The following RAB5C variants were observed in gnomAD, a reference collection of about 807,000 sequenced individuals.
RAB5C encodes RAB5C, member RAS oncogene family, also known as ras-related protein Rab-5C.
Under a neutral mutation model 25.2 loss-of-function variants are expected in RAB5C, and 4 were observed. That is an observed-to-expected ratio of 0.16 (90% confidence interval 0.08 to 0.36). The LOEUF (loss-of-function observed/expected upper bound fraction) is 0.36, where lower values mean the gene tolerates loss of function less well. RAB5C is among the 10% of genes least tolerant of loss of function. The pLI, the probability that RAB5C is intolerant of heterozygous loss-of-function variation, is 1.00. For synonymous variants in RAB5C, 100 were observed against 106.4 expected, an observed-to-expected ratio of 0.94 and a Z score of 0.37; for missense variants, 199 against 283.8, an observed-to-expected ratio of 0.70 and a Z score of 2.15.
chr17:42,128,531 GCCCACCCCCCACCCA>G, intron 3 of RAB5C, 103 bp downstream of exon 3: 1 of 1,188,320 alleles, frequency 8.4e-7, no homozygotes, highest in Non-Finnish European at 1.1e-6. Flanking sequence ...CAGGAAATCT[GCCCACCCCCCACCCA>G]GGAACAGAGG....
At chr17:42,128,885 C>T in intron 2 of RAB5C, 85 bp from the exon 3 acceptor site, 1 of 1,225,048 alleles carries the variant, frequency 8.2e-7, no homozygotes, top group Admixed American at 3.3e-5. Context: ...GGCTCTGGCA[C>T]TCAGAAGCCC....
intron 1 of RAB5C, among the ~76,000 whole-genome samples, chr17:42,141,146 T>G (rs1371418791): frequency 6.6e-6 from 1 of 152,216 alleles, no homozygotes; most frequent in Non-Finnish European, 1.5e-5. Flanking sequence ...TAATTTTTGC[T>G]GAACAAACTG....
At chr17:42,148,869 C>T (rs1442250791) in intron 1 of RAB5C, among the ~76,000 whole-genome samples, 1 of 152,200 alleles carries the variant, frequency 6.6e-6, no homozygotes. Flanking sequence ...GCCATTACTA[C>T]ATAGTCCCCC....
At chr17:42,129,664 C>T (rs923311661) in intron 2 of RAB5C, among the ~76,000 whole-genome samples, 1 of 152,230 alleles carries the variant, frequency 6.6e-6, no homozygotes, top group Non-Finnish European at 1.5e-5. Context: ...GACCCAAATG[C>T]TGAGGAGGCA....
At chr17:42,134,558 A>C (rs2054517582) in intron 1 of RAB5C, among the ~76,000 whole-genome samples, 1 of 152,210 alleles carries the variant, frequency 6.6e-6, no homozygotes, top group Non-Finnish European at 1.5e-5. Context: ...GCTTGGGGCA[A>C]AAGAGTAAGA....
intron 1 of RAB5C, among the ~76,000 whole-genome samples, chr17:42,150,470 G>A (rs1205224860): frequency 2.0e-5 from 3 of 146,800 alleles, no homozygotes; most frequent in Non-Finnish European, 3.0e-5. Context: ...CTTGAGCCCG[G>A]GAGACAGAGG....
chr17:42,130,720 C>T (rs2054476849), intron 1 of RAB5C, 130 bp from the exon 2 acceptor site: 9 of 1,155,248 alleles, frequency 7.8e-6, no homozygotes, highest in Non-Finnish European at 1.1e-5. Context: ...ACCTCACCTC[C>T]CTGCCCTCCC....
intron 1 of RAB5C, among the ~76,000 whole-genome samples, chr17:42,140,020 T>C (rs2054576516): frequency 6.6e-6 from 1 of 152,146 alleles, no homozygotes; most frequent in South Asian, 2.1e-4. Context: ...ATCTCATCAA[T>C]GTAGGGCCCG....
At chr17:42,143,364 T>C (rs1033037786) in intron 1 of RAB5C, among the ~76,000 whole-genome samples, 7 of 151,796 alleles carry the variant, frequency 4.6e-5, no homozygotes, top group South Asian at 2.1e-4. Flanking sequence ...GGGCCGGGAG[T>C]GGTGGCTCAT....
chr17:42,132,701 T>G (rs1228368389), intron 1 of RAB5C, among the ~76,000 whole-genome samples: 1 of 151,114 alleles, frequency 6.6e-6, no homozygotes, highest in African/African-American at 2.4e-5. Flanking sequence ...TCTTTCTTTC[T>G]TTCTTTTTTT....
chr17:42,133,097 G>A (rs567237304), intron 1 of RAB5C, among the ~76,000 whole-genome samples: 96 of 152,322 alleles, frequency 6.3e-4, no homozygotes, highest in Middle Eastern at 3.4e-3. Flanking sequence ...CAGTAATCTT[G>A]CAGTTTCTGA....
chr17:42,132,419 C>T (rs115627587), intron 1 of RAB5C, among the ~76,000 whole-genome samples: 1,697 of 152,260 alleles, frequency 0.011, 25 homozygotes, highest in African/African-American at 0.039. Context: ...TAGTTTAAGA[C>T]GCTTTCTCAT....
At position 42,125,449 on chromosome 17, in the gene RAB5C, C is replaced by T. The variant is rs2054408801; in HGVS notation, c.*334G>A. 1 of 260,518 alleles carries T rather than the reference C, an allele frequency of 3.8e-6. No homozygotes were observed. Among genetic ancestry groups the T allele is most frequent in the African/African-American group, 2.2e-5 (1 of 44,576 alleles). 16.1% of individuals were successfully genotyped at this position (260,518 alleles called of 1,614,324 possible). A position where few individuals can be genotyped will look rare whatever the true frequency, so the allele number is the denominator to read the frequency against. On this transcript the variant is annotated 3_prime_UTR_variant, in exon 6 of 6. Transcript: ENST00000346213. ...GGGTAGCTGCACTGACCCCACTGTCCCCATATACAAGGGTTGGGGGGCAAG... is the reference window on the plus strand; with the variant it reads ...GGGTAGCTGCACTGACCCCACTGTCTCCATATACAAGGGTTGGGGGGCAAG...
chr17:42,147,038 CAGAAAGAAAGACAGAAAA>C (rs2079639993), intron 1 of RAB5C, among the ~76,000 whole-genome samples: 2 of 122,778 alleles, frequency 1.6e-5, no homozygotes, highest in Non-Finnish European at 3.5e-5. Flanking sequence ...GACAGAAAGA[CAGAAAGAAAGACAGAAAA>C]AGAAAGAAAG....
Position 42,125,158 on chromosome 17 carries a change from T to C in RAB5C, c.*625A>G, listed in dbSNP as rs1436146327. ...TCAGAACAGGGCTCAGAGCCAGAGG[T>C]TGGGGTGACCGAGGGTGGAGGGGTT... On this transcript the variant is annotated 3_prime_UTR_variant, in exon 6 of 6. Coordinates refer to ENST00000346213, the MANE Select transcript of RAB5C (RefSeq NM_004583.4). 1 of 113,980 alleles carries C rather than the reference T, an allele frequency of 8.8e-6. No individual in the cohort carries two copies. Among genetic ancestry groups the C allele is most frequent in the Non-Finnish European group, 1.7e-5 (1 of 57,400 alleles). The allele number at this position is 113,980 out of a possible 1,614,324, so 7.1% of individuals were successfully genotyped here.
intron 1 of RAB5C, among the ~76,000 whole-genome samples, chr17:42,136,918 G>C (rs1393614185): frequency 6.6e-6 from 1 of 152,274 alleles, no homozygotes; most frequent in Non-Finnish European, 1.5e-5. Flanking sequence ...CATAACCCCT[G>C]TTACTAAAAA....
rs1771948150 is a variant in RAB5C, at chr17:42,143,285, A to G, written c.-89+11608T>C. The stretch of plus-strand genomic sequence containing the variant: ...ACATACCTGAGAGAAAACATTTGCT[A>G]AAAAGGCAGTGGCCTTGGAGAGCCA... On this transcript the variant is annotated intron_variant, in intron 1 of 5. Coordinates refer to ENST00000346213, the MANE Select transcript of RAB5C (RefSeq NM_004583.4). Among the ~76,000 whole-genome samples the G allele has an allele frequency of 4.6e-5, 7 of 152,208 alleles. 2 individuals carry two copies. The South Asian group carries it at 1.4e-3, about 32-fold the overall frequency.
Position 42,132,315 on chromosome 17 carries a change from A to C in RAB5C, c.-88-1725T>G, listed in dbSNP as rs1243473358. On this transcript the variant is annotated intron_variant, in intron 1 of 5. Coordinates refer to ENST00000346213, the MANE Select transcript of RAB5C (RefSeq NM_004583.4). ...TGAAATGGGGCCCACCTCTTCCCCA[A>C]AAGTACAAGGAAGGAAGTACGGGGT... Among the ~76,000 whole-genome samples, 3 of 152,252 alleles carry C rather than the reference A, an allele frequency of 2.0e-5. No homozygotes were observed. In the East Asian group the frequency reaches 5.8e-4, roughly 29 times the overall value.
At chr17:42,153,811 A>G (rs1252081255) in intron 1 of RAB5C, among the ~76,000 whole-genome samples, 1 of 152,242 alleles carries the variant, frequency 6.6e-6, no homozygotes, top group Non-Finnish European at 1.5e-5. Context: ...GGGAACCTGC[A>G]CTTTCTGGCA....
Sources: gnomAD v4.1 joint callset for allele counts (sites outside exome capture counted in the v4.1 genomes callset) on GRCh38, gnomAD v4.1.1 for gene constraint, MANE v1.5 for transcripts, NCBI Gene and HGNC (gene_info 2026-07-23, HGNC 2026-07-21) for gene names.